The following CFAP299 variants were observed in gnomAD, a reference collection of about 807,000 sequenced individuals.
The protein encoded by CFAP299 is cilia- and flagella-associated protein 299.
Under a neutral mutation model 27.0 loss-of-function variants are expected in CFAP299, and 21 were observed. The observed-to-expected ratio is 0.78, with a 90% CI of 0.55 to 1.12. CFAP299 has a LOEUF of 1.12. Ranked by LOEUF, CFAP299 falls within the 50% of genes most tolerant of loss-of-function variation. The pLI, the probability that CFAP299 is intolerant of heterozygous loss-of-function variation, is 0.00. For missense variants in CFAP299, 310 were observed against 276.6 expected (o/e 1.12, Z -0.86); for synonymous variants, 104 against 98.1 (o/e 1.06, Z -0.36).
intron 3 of CFAP299, among the ~76,000 whole-genome samples, chr4:80,800,400 T>TATATA (rs371690752): frequency 0.11 from 5,968 of 53,014 alleles, 1,004 homozygotes; most frequent in African/African-American, 0.3. Context: ...ATTAATATAA[T>TATATA]ATATATTGAT....
At chr4:80,755,447 G>C (rs1018771658) in intron 3 of CFAP299, among the ~76,000 whole-genome samples, 1 of 152,008 alleles carries the variant, frequency 6.6e-6, no homozygotes, top group African/African-American at 2.4e-5. Flanking sequence ...CAAGTAATTT[G>C]GGAATGAAAT....
At chr4:80,656,738 C>T (rs938008593) in intron 3 of CFAP299, among the ~76,000 whole-genome samples, 2 of 152,114 alleles carry the variant, frequency 1.3e-5, no homozygotes, top group Non-Finnish European at 2.9e-5. Context: ...TGGGTGTATA[C>T]CCAATAATGG....
At chr4:80,531,745 A>G (rs573930723) in intron 2 of CFAP299, among the ~76,000 whole-genome samples, 112 of 147,694 alleles carry the variant, frequency 7.6e-4, no homozygotes, top group African/African-American at 2.7e-3. Flanking sequence ...GATAAGATAG[A>G]AGTTTTTTTT....
intron 2 of CFAP299, among the ~76,000 whole-genome samples, chr4:80,467,685 T>C (rs1166957524): frequency 6.6e-6 from 1 of 152,222 alleles, no homozygotes; most frequent in Admixed American, 6.5e-5. Flanking sequence ...AGTGCTATGA[T>C]ACAGGTGTGG....
intron 4 of CFAP299, among the ~76,000 whole-genome samples, chr4:80,883,205 A>C (rs1245253462): frequency 6.6e-6 from 1 of 152,186 alleles, no homozygotes; most frequent in Non-Finnish European, 1.5e-5. Context: ...ATTGAACTTA[A>C]GTTCTTATCA....
chr4:80,691,627 C>G (rs1454533342), intron 3 of CFAP299, among the ~76,000 whole-genome samples: 2 of 150,534 alleles, frequency 1.3e-5, no homozygotes, highest in Admixed American at 6.6e-5. Context: ...CCTTTGAAAA[C>G]TGGCACAAGA....
chr4:80,449,663 T>C (rs1415738435), intron 2 of CFAP299, among the ~76,000 whole-genome samples: 2 of 151,698 alleles, frequency 1.3e-5, no homozygotes, highest in Non-Finnish European at 2.9e-5. Context: ...TTATAATGAA[T>C]AATTTATTAA....
chr4:80,847,467 G>T (rs914920647), intron 3 of CFAP299, among the ~76,000 whole-genome samples: 7 of 152,160 alleles, frequency 4.6e-5, no homozygotes, highest in Non-Finnish European at 4.4e-5. Context: ...TGGCAGAGAT[G>T]ATGTCAGTTT....
Position 80,493,055 on chromosome 4 carries a change from A to C in CFAP299, c.243-90038A>C, listed in dbSNP as rs144325748. Among the ~76,000 whole-genome samples, 765 of 152,138 alleles carry C rather than the reference A, an allele frequency of 5.0e-3. 4 individuals carry two copies. Among genetic ancestry groups the C allele is most frequent in the Middle Eastern group, 0.017 (5 of 292 alleles). The stretch of plus-strand genomic sequence containing the variant: ...GGGCAGCCTCTGTAGAGTCAACAAG[A>C]CTCCAGACACTGAAGCATCAGAACA... On this transcript the variant is annotated intron_variant, in intron 2 of 5. Coordinates refer to ENST00000358105, the MANE Select transcript of CFAP299 (RefSeq NM_152770.3).
At chr4:80,641,795 C>T (rs938003992) in intron 3 of CFAP299, among the ~76,000 whole-genome samples, 2 of 152,204 alleles carry the variant, frequency 1.3e-5, no homozygotes, top group South Asian at 2.1e-4. Flanking sequence ...ATCATTCAAG[C>T]TAAACAGGGA....
chr4:80,485,754 A>C (rs1730786438), intron 2 of CFAP299, among the ~76,000 whole-genome samples: 1 of 152,192 alleles, frequency 6.6e-6, no homozygotes, highest in Non-Finnish European at 1.5e-5. Flanking sequence ...AAAAACATTA[A>C]GTCTTTATCT....
chr4:80,396,183 C>T lies in CFAP299; in HGVS notation c.242+33299C>T, dbSNP rs116012347. ...ATGGGAAAATTCTTTAAAATATAAC[C>T]GTGTATTTGGTCTAAGGGAAGGGTG... On this transcript the variant is annotated intron_variant, in intron 2 of 5. Coordinates refer to ENST00000358105, the MANE Select transcript of CFAP299 (RefSeq NM_152770.3). 3.6e-3 allele frequency among the ~76,000 whole-genome samples: 549 copies of T among 152,050 alleles called. 3 individuals are homozygous for T. Among genetic ancestry groups the T allele is most frequent in the African/African-American group, 0.012 (517 of 41,478 alleles).
At chr4:80,547,933 T>C (rs909601051) in intron 2 of CFAP299, among the ~76,000 whole-genome samples, 1 of 152,166 alleles carries the variant, frequency 6.6e-6, no homozygotes, top group Non-Finnish European at 1.5e-5. Context: ...GGTAAGAATG[T>C]AAATTAGTTT....
At chr4:80,343,158 G>A (rs1722538879) in intron 1 of CFAP299, among the ~76,000 whole-genome samples, 1 of 152,162 alleles carries the variant, frequency 6.6e-6, no homozygotes. Context: ...TAATACAGGA[G>A]CACCCAGATT....
intron 2 of CFAP299, among the ~76,000 whole-genome samples, chr4:80,569,189 C>T (rs1275892687): frequency 6.6e-6 from 1 of 152,056 alleles, no homozygotes; most frequent in Non-Finnish European, 1.5e-5. Context: ...ATACTCTCTC[C>T]CCTTAAGCTC....
In CFAP299 at chr4:80,408,807, T is replaced by A. The variant is rs188904685; in HGVS notation, c.242+45923T>A. On this transcript the variant is annotated intron_variant, in intron 2 of 5. Coordinates refer to ENST00000358105, the MANE Select transcript of CFAP299 (RefSeq NM_152770.3). ...ATTACTTACTTTTTTAAAAATTGAA[T>A]TTTTAGAACAAAAACATAACTTTTG... Among the ~76,000 whole-genome samples, 939 of 137,502 alleles carry A rather than the reference T, an allele frequency of 6.8e-3. 2 individuals carry two copies. Among genetic ancestry groups the A allele is most frequent in the Middle Eastern group, 0.024 (7 of 292 alleles). The allele number at this position is 137,502 out of a possible 152,430, so 90.2% of individuals were successfully genotyped here. A position where few individuals can be genotyped will look rare whatever the true frequency, so the allele number is the denominator to read the frequency against.
rs186714458 is a variant in CFAP299, at chr4:80,686,633, G to A, written c.333+103450G>A. ...AGTATAGTGGCAGGAAATGAATGCA[G>A]CACCAAATTCCAAGGAGCCAGAAGA... On this transcript the variant is annotated intron_variant, in intron 3 of 5. Transcript: ENST00000358105. 5.0e-3 allele frequency among the ~76,000 whole-genome samples: 767 copies of A among 152,258 alleles called. 5 individuals carry two copies. Among genetic ancestry groups the A allele is most frequent in the Middle Eastern group, 0.02 (6 of 294 alleles).
intron 2 of CFAP299, among the ~76,000 whole-genome samples, chr4:80,545,939 C>T (rs1262697485): frequency 1.3e-5 from 2 of 152,128 alleles, no homozygotes; most frequent in Admixed American, 1.3e-4. Context: ...GATGAAAGAT[C>T]GGTTCAGCAT....
At chr4:80,459,914 A>T (rs966473284) in intron 2 of CFAP299, among the ~76,000 whole-genome samples, 6 of 152,192 alleles carry the variant, frequency 3.9e-5, no homozygotes, top group African/African-American at 1.4e-4. Flanking sequence ...AGCTGACAAA[A>T]GGCAGGTTAA....
Sources: gnomAD v4.1 joint callset for allele counts (sites outside exome capture counted in the v4.1 genomes callset) on GRCh38, gnomAD v4.1.1 for gene constraint, MANE v1.5 for transcripts, NCBI Gene and HGNC (gene_info 2026-07-23, HGNC 2026-07-21) for gene names.